The following IMPA2 variants were observed in gnomAD, a reference collection of about 807,000 sequenced individuals.
The protein encoded by IMPA2 is IMP 2.
Under a neutral mutation model 35.1 loss-of-function variants are expected in IMPA2, and 32 were observed. The observed-to-expected ratio is 0.91, with a 90% CI of 0.69 to 1.23. IMPA2 has a LOEUF of 1.23. Ranked by LOEUF, IMPA2 falls within the 50% of genes most tolerant of loss-of-function variation. The probability of loss-of-function intolerance (pLI) is 0.00; values close to 1 mark genes in which losing one functional copy is unlikely to be tolerated. For missense variants in IMPA2, 334 were observed against 387.6 expected (o/e 0.86, Z 1.16); for synonymous variants, 135 against 160.6 (o/e 0.84, Z 1.20).
At chr18:12,005,125 G>A (rs1598693554) in intron 2 of IMPA2, among the ~76,000 whole-genome samples, 1 of 152,232 alleles carries the variant, frequency 6.6e-6, no homozygotes, top group Admixed American at 6.5e-5. Context: ...CAGTGCAGAA[G>A]CCTGCTCCCT....
Position 12,004,875 on chromosome 18 carries a change from A to G in IMPA2, c.231-5008A>G, listed in dbSNP as rs556652532. ...TCCAGTGGCTTTTAGGAAGGTCTTT[A>G]TGATTTCACACATCTGTCTACAGTC... On this transcript the variant is annotated intron_variant, in intron 2 of 7. Transcript: ENST00000269159. Among the ~76,000 whole-genome samples the G allele has an allele frequency of 3.3e-5, 5 of 152,224 alleles. No individual in the cohort carries two copies. The South Asian group carries it at 1.0e-3, about 32-fold the overall frequency.
At position 11,981,530 on chromosome 18, in the gene IMPA2, T is replaced by A. The variant is rs1906494711; in HGVS notation, c.-140T>A. 2.0e-6 allele frequency: 1 copy of A among 494,430 alleles called. No individual in the cohort carries two copies. The highest frequency in any genetic ancestry group is 3.1e-6 in the Non-Finnish European group (1 of 317,908). 30.6% of individuals were successfully genotyped at this position (494,430 alleles called of 1,614,324 possible). A position where few individuals can be genotyped will look rare whatever the true frequency, so the allele number is the denominator to read the frequency against. Reference sequence around the variant, plus strand: ...GCTGCCCTTCCCGCCAGCGCAGGTGTGGGACGGGCGGCGGACTAGGCACAG... The same window carrying A: ...GCTGCCCTTCCCGCCAGCGCAGGTGAGGGACGGGCGGCGGACTAGGCACAG... On this transcript the variant is annotated 5_prime_UTR_variant, in exon 1 of 8. Transcript: ENST00000269159.
At chr18:11,989,109 C>T (rs1268922545) in intron 1 of IMPA2, among the ~76,000 whole-genome samples, 3 of 152,174 alleles carry the variant, frequency 2.0e-5, no homozygotes, top group African/African-American at 7.2e-5. Context: ...GTATTTAGGG[C>T]CATGTCCCGG....
chr18:11,996,930 C>T (rs939641083), intron 1 of IMPA2, among the ~76,000 whole-genome samples: 1 of 151,816 alleles, frequency 6.6e-6, no homozygotes, highest in Admixed American at 6.6e-5. Flanking sequence ...CATCTTCCCA[C>T]ACCACACCGA....
intron 2 of IMPA2, among the ~76,000 whole-genome samples, chr18:12,002,542 G>A (rs1479643701): frequency 6.6e-6 from 1 of 152,104 alleles, no homozygotes; most frequent in Non-Finnish European, 1.5e-5. Flanking sequence ...AGGAGCCCAA[G>A]GTCAGAGGAT....
At position 12,028,878 on chromosome 18, in the gene IMPA2, C is replaced by T. The variant is rs746798896; in HGVS notation, c.636C>T (p.Cys212=). 1.5e-5 allele frequency: 24 copies of T among 1,614,062 alleles called. No homozygotes were observed. The highest frequency in any genetic ancestry group is 1.9e-5 in the Non-Finnish European group (23 of 1,180,046). The part of the protein sequence containing the change: ...RVIGSSTLAL[C]HLASGAADAY... Reference sequence around the variant, plus strand: ...TTGGAAGCTCCACATTGGCACTCTGCCACCTGGCCTCAGGGGCCGCGGATG... The same window carrying T: ...TTGGAAGCTCCACATTGGCACTCTGTCACCTGGCCTCAGGGGCCGCGGATG... The change falls in exon 7 of 8, where the codon TGC becomes TGT. Residue 212 remains cysteine (C), a synonymous_variant. Coordinates refer to ENST00000269159, the MANE Select transcript of IMPA2 (RefSeq NM_014214.3).
In IMPA2 at chr18:12,009,981, T is replaced by C. The variant is rs1423846345; in HGVS notation, c.329T>C (p.Val110Ala). 3 of 1,612,990 alleles carry C rather than the reference T, an allele frequency of 1.9e-6. No homozygotes were observed. Among genetic ancestry groups the C allele is most frequent in the Non-Finnish European group, 8.5e-7 (1 of 1,179,184 alleles). ...IDPIDGTCNF[V>A]HRFPTVAVSI... ...CCCATCGACGGCACCTGCAATTTTGTGCACAGGTGAGCTGAGCAGGGATCG... is the reference window on the plus strand; with the variant it reads ...CCCATCGACGGCACCTGCAATTTTGCGCACAGGTGAGCTGAGCAGGGATCG... Residue 110 changes from valine (V) to alanine (A), a missense_variant, in exon 3 of 8, where the codon GTG (valine) becomes GCG (alanine). By Grantham distance (64) the Val-to-Ala change is moderately conservative (BLOSUM62 0). Transcript: ENST00000269159.
rs946596121 is a variant in IMPA2 at position 12,010,509 on chromosome 18, G to A, written c.335+522G>A. 6.6e-6 allele frequency among the ~76,000 whole-genome samples: 1 copy of A among 152,250 alleles called. No homozygotes were observed. The highest frequency in any genetic ancestry group is 2.4e-5 in the African/African-American group (1 of 41,460). ...GGAATGGAGCTTCGGGGATGGTGAA[G>A]TGACAGGATGCAAAGGTGACAGGGA... On this transcript the variant is annotated intron_variant, in intron 3 of 7. Coordinates refer to ENST00000269159, the MANE Select transcript of IMPA2 (RefSeq NM_014214.3). This position sits in a 1 kb window ranked among gnomAD's most constrained non-coding sequence, Gnocchi z 4.8.
At chr18:12,012,347 C>A in intron 4 of IMPA2, 132 bp downstream of exon 4, 2 of 762,308 alleles carry the variant, frequency 2.6e-6, no homozygotes, top group Non-Finnish European at 4.5e-6. Flanking sequence ...CAAATCCAAG[C>A]CTGTGGGTTT....
At position 11,981,654 on chromosome 18, in the gene IMPA2, G is replaced by C; in HGVS notation, c.-16G>C. The C allele has an allele frequency of 8.1e-7, 1 of 1,228,066 alleles. No homozygotes were observed. The highest frequency in any genetic ancestry group is 4.0e-5 in the South Asian group (1 of 24,846). The allele number at this position is 1,228,066 out of a possible 1,614,324, so 76.1% of individuals were successfully genotyped here. A position where few individuals can be genotyped will look rare whatever the true frequency, so the allele number is the denominator to read the frequency against. On this transcript the variant is annotated 5_prime_UTR_variant, in exon 1 of 8. Coordinates refer to ENST00000269159, the MANE Select transcript of IMPA2 (RefSeq NM_014214.3). Reference sequence around the variant, plus strand: ...GCCGAGGGGGGCTGGAGGTGGAGGGGCCCGGCGAGGCCGCGATGAAGCCGA... The same window carrying C: ...GCCGAGGGGGGCTGGAGGTGGAGGGCCCCGGCGAGGCCGCGATGAAGCCGA...
chr18:11,998,096 G>A (rs558495020), intron 1 of IMPA2, among the ~76,000 whole-genome samples: 1 of 152,336 alleles, frequency 6.6e-6, no homozygotes, highest in East Asian at 1.9e-4. Context: ...GAGCCCTGGG[G>A]TTAGAGGTTA....
At chr18:11,999,982 C>T (rs1171804783) in intron 2 of IMPA2, among the ~76,000 whole-genome samples, 1 of 151,996 alleles carries the variant, frequency 6.6e-6, no homozygotes, top group Non-Finnish European at 1.5e-5. Context: ...CTTTTTTCTT[C>T]GTTACATAGA....
chr18:11,981,992 T>C (rs994948615), intron 1 of IMPA2, among the ~76,000 whole-genome samples: 11 of 152,248 alleles, frequency 7.2e-5, no homozygotes, highest in African/African-American at 2.7e-4. Context: ...CCCTCTGCTT[T>C]GGAGTTCAGC....
At position 11,999,186 on chromosome 18, in the gene IMPA2, A is replaced by T; in HGVS notation, c.229A>T (p.Arg77Trp). 1.4e-5 allele frequency: 23 copies of T among 1,613,152 alleles called. No individual in the cohort carries two copies. The highest frequency in any genetic ancestry group is 2.0e-5 in the Non-Finnish European group (23 of 1,179,438). ...GTTGCGAGAGAGGTTTCCTTCACAC[A>T]GGTAGGTGTACTCCTCTGGGAAACA... ...SELRERFPSH[R>W]FIAEEAAASG... Residue 77 changes from arginine (R) to tryptophan (W), a missense_variant and splice_region_variant, in exon 2 of 8, where the codon AGG (arginine) becomes TGG (tryptophan). Transcript: ENST00000269159.
At chr18:12,006,039 T>G (rs3786294) in intron 2 of IMPA2, among the ~76,000 whole-genome samples, 17,608 of 152,244 alleles carry the variant, frequency 0.12, 1,119 homozygotes, top group Admixed American at 0.2. Context: ...TTTCAGGGTG[T>G]GGAGCGTTTT....
intron 4 of IMPA2, among the ~76,000 whole-genome samples, chr18:12,012,880 GCA>G (rs1166918065): frequency 7.9e-5 from 12 of 152,208 alleles, no homozygotes; most frequent in African/African-American, 2.9e-4. Context: ...CTTAGTCTCA[GCA>G]CAGACTCCCT....
At chr18:12,024,439 G>A (rs143637810) in intron 5 of IMPA2, among the ~76,000 whole-genome samples, 38 of 152,228 alleles carry the variant, frequency 2.5e-4, no homozygotes, top group African/African-American at 6.3e-4. Context: ...AGCTGAGATC[G>A]CACCATTGCA....
intron 6 of IMPA2, 178 bp from the exon 7 acceptor site, chr18:12,028,664 G>A: frequency 2.9e-6 from 2 of 700,186 alleles, no homozygotes; most frequent in South Asian, 1.9e-5. Flanking sequence ...GTCTGGCGGA[G>A]GCCTGTTGGT....
intron 5 of IMPA2, chr18:12,018,397 C>G (rs947083140): frequency 6.6e-6 from 1 of 152,320 alleles, no homozygotes; most frequent in Non-Finnish European, 1.5e-5. Context: ...CTGTGTGCCA[C>G]GCTCTCACCT....
Sources: allele counts gnomAD v4.1 joint callset (sites outside exome capture counted in the v4.1 genomes callset), GRCh38; gene constraint gnomAD v4.1.1; non-coding constraint Gnocchi (gnomAD v3.1); transcripts MANE v1.5; gene names NCBI Gene and HGNC (gene_info 2026-07-23, HGNC 2026-07-21).